MAPK10: variants seen among roughly 807,000 people sequenced by gnomAD.
The protein encoded by MAPK10 is mitogen-activated protein kinase 10.
In MAPK10, 25 loss-of-function variants were observed where a neutral mutation model predicts 59.3. The ratio of observed to expected loss-of-function variants is 0.42; its 90% CI spans 0.31 to 0.59. MAPK10 has a LOEUF of 0.59. MAPK10 is among the 20% of genes least tolerant of loss of function. The pLI is 0.15. For missense variants in MAPK10, 351 were observed against 568.9 expected (o/e 0.62, Z 3.90); for synonymous variants, 190 against 200.5 (o/e 0.95, Z 0.44).
intron 1 of MAPK10, among the ~76,000 whole-genome samples, chr4:86,546,274 G>A (rs1759148685): frequency 6.6e-6 from 1 of 152,090 alleles, no homozygotes; most frequent in African/African-American, 2.4e-5. Context: ...GCGGCTGGGT[G>A]CGGTGGCTCA....
chr4:86,474,930 T>A (rs1313026290), intron 1 of MAPK10, among the ~76,000 whole-genome samples: 4 of 152,188 alleles, frequency 2.6e-5, no homozygotes, highest in Non-Finnish European at 5.9e-5. Context: ...GAAGTGAAAA[T>A]GGCCGGTCCT....
At chr4:86,241,136 T>C (rs1183154136) in intron 2 of MAPK10, among the ~76,000 whole-genome samples, 1 of 152,234 alleles carries the variant, frequency 6.6e-6, no homozygotes, top group African/African-American at 2.4e-5. Context: ...TTGAAAATTC[T>C]TTTCTTTAAG....
At chr4:86,279,213 GCA>G (rs1583964168) in intron 2 of MAPK10, among the ~76,000 whole-genome samples, 1 of 152,100 alleles carries the variant, frequency 6.6e-6, no homozygotes, top group Non-Finnish European at 1.5e-5. Flanking sequence ...ACAGAAATGT[GCA>G]CAGTTTATCA....
chr4:86,159,720 G>T (rs907870729), intron 3 of MAPK10, among the ~76,000 whole-genome samples: 2 of 152,030 alleles, frequency 1.3e-5, no homozygotes, highest in African/African-American at 4.8e-5. Context: ...TCTTAGATTT[G>T]ATTCACATAA....
chr4:86,410,015 T>G (rs181760522), intron 1 of MAPK10, among the ~76,000 whole-genome samples: 1 of 152,344 alleles, frequency 6.6e-6, no homozygotes, highest in African/African-American at 2.4e-5. Context: ...TTTTGCCGAT[T>G]CAGTATGGTA....
chr4:86,474,396 A>G (rs900888581), intron 1 of MAPK10, among the ~76,000 whole-genome samples: 1 of 152,210 alleles, frequency 6.6e-6, no homozygotes, highest in African/African-American at 2.4e-5. Context: ...AAAAAAAATT[A>G]CCTATGTTTA....
intron 1 of MAPK10, among the ~76,000 whole-genome samples, chr4:86,465,535 G>A (rs763946471): frequency 5.3e-5 from 8 of 152,198 alleles, no homozygotes; most frequent in Non-Finnish European, 1.0e-4. Flanking sequence ...CTGCCGAAAG[G>A]CAAGATGCTA....
intron 9 of MAPK10, among the ~76,000 whole-genome samples, chr4:86,097,077 T>TTCATAATG (rs2054369004): frequency 6.6e-6 from 1 of 152,026 alleles, no homozygotes; most frequent in African/African-American, 2.4e-5. Flanking sequence ...ACCCAATATA[T>TTCATAATG]TCATAATGCT....
chr4:86,069,194 T>C lies in MAPK10; in HGVS notation c.803-1239A>G, dbSNP rs1314318798. On this transcript the variant is annotated intron_variant, in intron 9 of 13. Coordinates refer to ENST00000641462, the MANE Select transcript of MAPK10 (RefSeq NM_138982.4). ...TAACTGTATTCAACAAAAAGAAATA[T>C]ATAATACAAACAGTAGATAGGAGAT... 7.2e-5 allele frequency among the ~76,000 whole-genome samples: 11 copies of C among 152,134 alleles called. No homozygotes were observed. The East Asian group carries it at 9.6e-4, about 13-fold the overall frequency.
At chr4:86,175,283 GA>G (rs1270452430) in intron 3 of MAPK10, among the ~76,000 whole-genome samples, 1 of 152,158 alleles carries the variant, frequency 6.6e-6, no homozygotes, top group Non-Finnish European at 1.5e-5. Context: ...TTTTAGAAAA[GA>G]GAATTAGAGT....
chr4:86,030,106 T>C (rs2038653902), intron 12 of MAPK10, among the ~76,000 whole-genome samples: 1 of 152,168 alleles, frequency 6.6e-6, no homozygotes, highest in Non-Finnish European at 1.5e-5. Context: ...CCTCAAATGA[T>C]GGTTATATCC....
At chr4:86,410,921 G>C (rs1411273972) in intron 1 of MAPK10, among the ~76,000 whole-genome samples, 2 of 152,036 alleles carry the variant, frequency 1.3e-5, no homozygotes. Flanking sequence ...TCTGATCTTA[G>C]TTATTTCTTG....
intron 1 of MAPK10, among the ~76,000 whole-genome samples, chr4:86,495,148 C>T (rs777178780): frequency 3.3e-5 from 5 of 152,010 alleles, no homozygotes; most frequent in Non-Finnish European, 5.9e-5. Flanking sequence ...AGGCCTAAAG[C>T]GAGTTTGGCT....
intron 4 of MAPK10, among the ~76,000 whole-genome samples, chr4:86,148,023 T>C (rs6854208): frequency 0.14 from 21,632 of 152,176 alleles, 1,642 homozygotes; most frequent in Admixed American, 0.17. Context: ...ATTTAATAGT[T>C]AACATTATGC....
chr4:86,112,426 T>C (rs546393248), intron 4 of MAPK10, among the ~76,000 whole-genome samples: 11 of 152,326 alleles, frequency 7.2e-5, no homozygotes, highest in African/African-American at 2.2e-4. Context: ...TTTGTTCTCA[T>C]TGGTTTCAAA....
intron 2 of MAPK10, among the ~76,000 whole-genome samples, chr4:86,224,634 C>T (rs1197242216): frequency 2.0e-5 from 3 of 152,254 alleles, no homozygotes; most frequent in East Asian, 1.9e-4. Context: ...GATATATTGA[C>T]GATCAAACAC....
At chr4:86,027,134 A>G (rs1242939817) in intron 13 of MAPK10, 1 of 152,206 alleles carries the variant, frequency 6.6e-6, no homozygotes, top group Non-Finnish European at 1.5e-5. Context: ...TAGCATACAT[A>G]TGATTTCTCA....
intron 2 of MAPK10, among the ~76,000 whole-genome samples, chr4:86,270,468 A>G (rs962064608): frequency 3.3e-5 from 5 of 152,208 alleles, no homozygotes; most frequent in East Asian, 1.9e-4. Context: ...TGTAAATTTT[A>G]CAGTCTCAAT....
chr4:86,278,083 A>G (rs1007687711), intron 2 of MAPK10, among the ~76,000 whole-genome samples: 3 of 152,168 alleles, frequency 2.0e-5, no homozygotes, highest in Non-Finnish European at 4.4e-5. Context: ...TTCTATAACA[A>G]TACTTTGTCT....
Sources: allele counts gnomAD v4.1 joint callset (sites outside exome capture counted in the v4.1 genomes callset), GRCh38; gene constraint gnomAD v4.1.1; transcripts MANE v1.5; gene names NCBI Gene and HGNC (gene_info 2026-07-23, HGNC 2026-07-21).